Variants in CR2 observed in about 807,000 individuals in gnomAD.
CR2 encodes complement receptor type 2.
A neutral mutation model predicts 123.0 loss-of-function variants in CR2; 96 were observed. The ratio of observed to expected loss-of-function variants is 0.78; its 90% CI spans 0.66 to 0.93. The LOEUF (loss-of-function observed/expected upper bound fraction) is 0.93, where lower values mean the gene tolerates loss of function less well. CR2 is among the 40% of genes least tolerant of loss of function. The pLI is 0.00. For missense variants in CR2, 1,258 were observed against 1,361.0 expected, an observed-to-expected ratio of 0.92 and a Z score of 1.19; for synonymous variants, 484 against 469.5, an observed-to-expected ratio of 1.03 and a Z score of -0.40.
intron 1 of CR2, among the ~76,000 whole-genome samples, chr1:207,456,840 C>T (rs1180246393): frequency 2.0e-5 from 3 of 152,208 alleles, no homozygotes; most frequent in Non-Finnish European, 4.4e-5. Flanking sequence ...CCCTGAAATT[C>T]TCTGTACCCC....
intron 8 of CR2, 39 bp from the exon 9 acceptor site, chr1:207,471,384 C>A: frequency 1.3e-6 from 2 of 1,487,622 alleles, no homozygotes; most frequent in South Asian, 1.1e-5. Flanking sequence ...ACTTAATGGT[C>A]ACCTGATGGC....
rs200539406 is a variant in CR2 at position 207,469,656 on chromosome 1, C to T, written c.818-39C>T. On this transcript the variant is annotated intron_variant, in intron 5 of 19. Transcript: ENST00000367057. ...TCTGGGGCATTCTTTGTTTTCAATA[C>T]ACCTATGATCTTGTCATTTCTTTCT... 7.0e-5 allele frequency: 112 copies of T among 1,591,154 alleles called. 3 individuals are homozygous for T. In the East Asian group the frequency reaches 2.4e-3, roughly 34 times the overall value.
At chr1:207,477,514 A>G (rs1036556620) in intron 15 of CR2, among the ~76,000 whole-genome samples, 7 of 152,194 alleles carry the variant, frequency 4.6e-5, no homozygotes, top group Admixed American at 2.6e-4. Flanking sequence ...GAAAGCACGC[A>G]CATGTATGAA....
intron 1 of CR2, among the ~76,000 whole-genome samples, chr1:207,460,926 G>T (rs535845565): frequency 6.6e-6 from 1 of 151,858 alleles, no homozygotes; most frequent in Admixed American, 6.6e-5. Context: ...TCCTCTCTAG[G>T]CATTAACGGT....
At chr1:207,457,107 A>G (rs191711465) in intron 1 of CR2, among the ~76,000 whole-genome samples, 1 of 152,194 alleles carries the variant, frequency 6.6e-6, no homozygotes, top group Admixed American at 6.5e-5. Context: ...TTCCTTATTT[A>G]TGTACCTGTT....
At chr1:207,476,161 T>C in intron 14 of CR2, 73 bp from the exon 15 acceptor site, 1 of 1,444,796 alleles carries the variant, frequency 6.9e-7, no homozygotes, top group Non-Finnish European at 9.7e-7. Context: ...CCTGTATCGC[T>C]ATCACCCAGA....
At chr1:207,470,615 A>G (rs547700885) in intron 6 of CR2, 125 bp from the exon 7 acceptor site, 24 of 889,064 alleles carry the variant, frequency 2.7e-5, no homozygotes, top group African/African-American at 2.6e-4. Flanking sequence ...TCTGCAACAT[A>G]TGTTCTGTAT....
At chr1:207,469,473 T>C (rs181704444) in intron 5 of CR2, among the ~76,000 whole-genome samples, 2 of 152,144 alleles carry the variant, frequency 1.3e-5, no homozygotes, top group East Asian at 3.9e-4. Context: ...ATAAAGAAAA[T>C]AGTGTATTTG....
In CR2 at chr1:207,473,836, C is replaced by A. The variant is rs1162528979; in HGVS notation, c.2191C>A (p.Leu731Ile). 3.7e-6 allele frequency: 6 copies of A among 1,614,022 alleles called. No individual in the cohort carries two copies. The highest frequency in any genetic ancestry group is 5.1e-6 in the Non-Finnish European group (6 of 1,179,898). ...CQHVRQSLQE[L>I]PAGSRVELVN... is the part of the protein sequence containing the mutation. ...GCATGTGAGACAGAGTCTTCAAGAA[C>A]TTCCAGCTGGTTCACGTGTGGAGCT... The change falls in exon 12 of 20, where the codon CTT (leucine) becomes ATT (isoleucine). Residue 731 changes from leucine (L) to isoleucine (I), a missense_variant. Leu to Ile is a conservative substitution (Grantham distance 5). Coordinates refer to ENST00000367057, the MANE Select transcript of CR2 (RefSeq NM_001006658.3).
chr1:207,458,277 A>AT (rs35162505), intron 1 of CR2, among the ~76,000 whole-genome samples: 2,370 of 146,218 alleles, frequency 0.016, 25 homozygotes, highest in African/African-American at 0.038. Context: ...GCCAAGCTTC[A>AT]TTTTTTTTTT....
chr1:207,454,359 G>A lies in CR2; in HGVS notation c.-60G>A. On this transcript the variant is annotated 5_prime_UTR_variant, in exon 1 of 20. Coordinates refer to ENST00000367057, the MANE Select transcript of CR2 (RefSeq NM_001006658.3). The surrounding 1 kb of genome is among the most constrained non-coding windows in gnomAD (Gnocchi z 4.3). ...TTGCTGCTCCAGCCTTGCCCTCCCA[G>A]AGCTGCCGGACGCTCGCGGGTCTCG... 6.8e-7 allele frequency: 1 copy of A among 1,468,206 alleles called. No individual in the cohort carries two copies. Among genetic ancestry groups the A allele is most frequent in the Non-Finnish European group, 9.2e-7 (1 of 1,081,984 alleles). The allele number at this position is 1,468,206 out of a possible 1,614,324, so 90.9% of individuals were successfully genotyped here. A position where few individuals can be genotyped will look rare whatever the true frequency, so the allele number is the denominator to read the frequency against.
At position 207,468,799 on chromosome 1, in the gene CR2, G is replaced by A. The variant is rs1393195446; in HGVS notation, c.635-1G>A. The A allele has an allele frequency of 6.2e-7, 1 of 1,613,972 alleles. No homozygotes were observed. The highest frequency in any genetic ancestry group is 8.5e-7 in the Non-Finnish European group (1 of 1,179,932). On this transcript the variant is annotated splice_acceptor_variant, in intron 3 of 19. Transcript: ENST00000367057. LOFTEE classifies it high-confidence loss of function. ...TTTCTCATCTTTGGTTTGTTTTTTAGAGGCACGCTGTAAATCTCTAGGACG... is the reference window on the plus strand; with the variant it reads ...TTTCTCATCTTTGGTTTGTTTTTTAAAGGCACGCTGTAAATCTCTAGGACG...
chr1:207,459,195 G>T (rs1392371132), intron 1 of CR2, among the ~76,000 whole-genome samples: 2 of 152,178 alleles, frequency 1.3e-5, no homozygotes, highest in Non-Finnish European at 2.9e-5. Flanking sequence ...TTCTTGTAGG[G>T]TTGCAGTGGC....
In CR2 at chr1:207,474,754, T is replaced by C. The variant is rs1658386673; in HGVS notation, c.2324-70T>C. 11 of 1,506,476 alleles carry C rather than the reference T, an allele frequency of 7.3e-6. No individual in the cohort carries two copies. In the South Asian group the frequency reaches 1.1e-4, roughly 15 times the overall value. The allele number at this position is 1,506,476 out of a possible 1,614,324, so 93.3% of individuals were successfully genotyped here. A position where few individuals can be genotyped will look rare whatever the true frequency, so the allele number is the denominator to read the frequency against. On this transcript the variant is annotated intron_variant, in intron 13 of 19. Coordinates refer to ENST00000367057, the MANE Select transcript of CR2 (RefSeq NM_001006658.3). ...AATATATGCAGTTGCATATTGTCAT[T>C]TGTACCTGAATGAAGACCGCTCACC...
chr1:207,471,843 C>T (rs1274854897), intron 9 of CR2: 1 of 354,830 alleles, frequency 2.8e-6, no homozygotes, highest in Non-Finnish European at 5.5e-6. Flanking sequence ...TCTGTCTCTA[C>T]TGCTTACTAG....
At position 207,454,356 on chromosome 1, in the gene CR2, C is replaced by A; in HGVS notation, c.-63C>A. 6.9e-7 allele frequency: 1 copy of A among 1,440,352 alleles called. No individual in the cohort carries two copies. The highest frequency in any genetic ancestry group is 9.5e-7 in the Non-Finnish European group (1 of 1,056,936). 89.2% of individuals were successfully genotyped at this position (1,440,352 alleles called of 1,614,324 possible). On this transcript the variant is annotated 5_prime_UTR_variant, in exon 1 of 20. Coordinates refer to ENST00000367057, the MANE Select transcript of CR2 (RefSeq NM_001006658.3). This position sits in a 1 kb window ranked among gnomAD's most constrained non-coding sequence, Gnocchi z 4.3. The stretch of plus-strand genomic sequence containing the variant: ...TGCTTGCTGCTCCAGCCTTGCCCTC[C>A]CAGAGCTGCCGGACGCTCGCGGGTC...
chr1:207,472,821 G>C lies in CR2; in HGVS notation c.1620G>C (p.Gly540=). 1 of 1,613,978 alleles carries C rather than the reference G, an allele frequency of 6.2e-7. No individual in the cohort carries two copies. The highest frequency in any genetic ancestry group is 8.5e-7 in the Non-Finnish European group (1 of 1,179,932). ...PPVIYNGAHT[G]SSLEDFPYGT... ...TTATCTACAATGGGGCACACACCGG[G>C]AGTTCCTTAGAAGATTTTCCATATG... The change falls in exon 10 of 20, where the codon GGG becomes GGC. Residue 540 remains glycine, a synonymous_variant. Transcript: ENST00000367057.
intron 16 of CR2, 146 bp downstream of exon 16, chr1:207,478,216 G>A (rs1658497307): frequency 2.2e-6 from 2 of 916,046 alleles, no homozygotes; most frequent in East Asian, 2.7e-5. Flanking sequence ...TGAAGTCAGT[G>A]GTCTATTCTA....
rs1048971 is a variant in CR2 at position 207,472,977 on chromosome 1, G to T, written c.1776G>T (p.Leu592=). Residue 592 remains leucine (L), a synonymous_variant, in exon 10 of 20, where the codon CTG becomes CTT. Coordinates refer to ENST00000367057, the MANE Select transcript of CR2 (RefSeq NM_001006658.3). ...GCACCTGGAGTGGCCCTGCTCCCCT[G>T]TGTAAACTTTCCCTCCTTGCTGTCC... ...ERGTWSGPAP[L]CKLSLLAVQC... The T allele has an allele frequency of 1.9e-6, 3 of 1,613,664 alleles. No homozygotes were observed. Among genetic ancestry groups the T allele is most frequent in the East Asian group, 4.5e-5 (2 of 44,886 alleles).
Sources: gnomAD v4.1 joint callset for allele counts (sites outside exome capture counted in the v4.1 genomes callset) on GRCh38, gnomAD v4.1.1 for gene constraint, Gnocchi (gnomAD v3.1) non-coding constraint, MANE v1.5 for transcripts, NCBI Gene and HGNC (gene_info 2026-07-23, HGNC 2026-07-21) for gene names.